Variants in TBC1D9 observed in about 807,000 individuals in gnomAD.
The protein encoded by TBC1D9 is TBC1 domain family member 9A.
In TBC1D9, 63 loss-of-function variants were observed where a neutral mutation model predicts 132.0. That is an observed-to-expected ratio of 0.48 (90% CI 0.39 to 0.59). The LOEUF (loss-of-function observed/expected upper bound fraction) is 0.59. Ranked by LOEUF, TBC1D9 falls within the 20% of genes least tolerant of loss-of-function variation. The pLI is 0.00. For synonymous variants in TBC1D9, 610 were observed against 609.9 expected (o/e 1.00, Z 0.00); for missense variants, 1,261 against 1,592.7 (o/e 0.79, Z 3.54).
intron 6 of TBC1D9, among the ~76,000 whole-genome samples, chr4:140,674,643 C>T (rs1217725221): frequency 6.6e-6 from 1 of 150,760 alleles, no homozygotes; most frequent in Non-Finnish European, 1.5e-5. Flanking sequence ...GACCAAGGCC[C>T]CTATCTCTTA....
chr4:140,708,064 TACAATAATGTTCAGC>T (rs2111045220), intron 1 of TBC1D9, among the ~76,000 whole-genome samples: 1 of 152,276 alleles, frequency 6.6e-6, no homozygotes, highest in African/African-American at 2.4e-5. Flanking sequence ...TCTCAAAGCC[TACAATAATGTTCAGC>T]ACATTATGCT....
Position 140,706,787 on chromosome 4 carries a change from T to C in TBC1D9, c.131-5173A>G, listed in dbSNP as rs1386409137. On this transcript the variant is annotated intron_variant, in intron 1 of 20. Coordinates refer to ENST00000442267, the MANE Select transcript of TBC1D9 (RefSeq NM_015130.3). This position sits in a 1 kb window ranked among gnomAD's most constrained non-coding sequence, Gnocchi z 4.0. The stretch of plus-strand genomic sequence containing the variant: ...TGCAGCTTATTTTTTTCAATCAATA[T>C]GTTTGTAAAATTTATCCAGAATATA... Among the ~76,000 whole-genome samples the C allele has an allele frequency of 4.6e-5, 7 of 152,232 alleles. No individual in the cohort carries two copies.
intron 1 of TBC1D9, among the ~76,000 whole-genome samples, chr4:140,751,341 C>T (rs1248427624): frequency 2.0e-5 from 3 of 152,078 alleles, no homozygotes; most frequent in African/African-American, 7.2e-5. Context: ...GACAGAATAG[C>T]CTTCCCAATA....
chr4:140,748,127 AG>A (rs1025640161), intron 1 of TBC1D9, among the ~76,000 whole-genome samples: 96 of 152,330 alleles, frequency 6.3e-4, no homozygotes, highest in African/African-American at 2.3e-3. Context: ...AAGTTAATTG[AG>A]GCCTTACAAG....
At chr4:140,683,459 T>C (rs1182350812) in intron 3 of TBC1D9, among the ~76,000 whole-genome samples, 2 of 152,222 alleles carry the variant, frequency 1.3e-5, no homozygotes, top group African/African-American at 4.8e-5. Flanking sequence ...GAATAGCTCC[T>C]TCCCAGGTTC....
At chr4:140,703,051 C>A (rs1378604128) in intron 1 of TBC1D9, among the ~76,000 whole-genome samples, 1 of 152,114 alleles carries the variant, frequency 6.6e-6, no homozygotes, top group Admixed American at 6.5e-5. Context: ...AGGGATTAGG[C>A]CACCTGAAAA....
intron 1 of TBC1D9, among the ~76,000 whole-genome samples, chr4:140,714,965 T>A (rs975327067): frequency 1.3e-5 from 2 of 151,984 alleles, no homozygotes; most frequent in Admixed American, 6.6e-5. Context: ...TACAAAAAAA[T>A]TTAAAAATTA....
chr4:140,649,944 A>T (rs1207082571), intron 13 of TBC1D9, among the ~76,000 whole-genome samples: 2 of 152,188 alleles, frequency 1.3e-5, no homozygotes, highest in African/African-American at 2.4e-5. Flanking sequence ...ATTTGAATAC[A>T]GTATTTATAT....
intron 1 of TBC1D9, among the ~76,000 whole-genome samples, chr4:140,728,908 C>T (rs1326828800): frequency 6.6e-6 from 1 of 152,140 alleles, no homozygotes; most frequent in Non-Finnish European, 1.5e-5. Flanking sequence ...AAGTGATCCA[C>T]CTGACTCAGC....
chr4:140,739,043 G>C (rs530788229), intron 1 of TBC1D9, among the ~76,000 whole-genome samples: 2 of 152,096 alleles, frequency 1.3e-5, no homozygotes, highest in Non-Finnish European at 2.9e-5. Flanking sequence ...ATGGAGTTTC[G>C]CTCTTGCTGC....
intron 13 of TBC1D9, among the ~76,000 whole-genome samples, chr4:140,653,338 T>C (rs1227398110): frequency 6.6e-6 from 1 of 152,210 alleles, no homozygotes; most frequent in Non-Finnish European, 1.5e-5. Flanking sequence ...AAATGCATTG[T>C]GTATCTTAGA....
intron 13 of TBC1D9, chr4:140,643,994 C>T: frequency 3.7e-6 from 2 of 539,452 alleles, no homozygotes. Context: ...CCGGGTCCTC[C>T]CGCAGCGGCT....
chr4:140,753,892 T>C (rs1738963640), intron 1 of TBC1D9, among the ~76,000 whole-genome samples: 1 of 152,248 alleles, frequency 6.6e-6, no homozygotes, highest in Non-Finnish European at 1.5e-5. Context: ...AAAATGTTCC[T>C]GCTACATTTG....
chr4:140,751,860 C>A (rs1413028097), intron 1 of TBC1D9, among the ~76,000 whole-genome samples: 1 of 152,038 alleles, frequency 6.6e-6, no homozygotes, highest in East Asian at 1.9e-4. Context: ...CAGGAAAAAG[C>A]AAATTAACCC....
rs376692552 is a variant in TBC1D9, at chr4:140,650,060, T to C, written c.2337+7037A>G. On this transcript the variant is annotated intron_variant, in intron 13 of 20. Transcript: ENST00000442267. ...GCTAGAGAAACAGTTGTCACATAAATATGGAAATTACAAAAAACATTTAGT... is the reference window on the plus strand; with the variant it reads ...GCTAGAGAAACAGTTGTCACATAAACATGGAAATTACAAAAAACATTTAGT... Among the ~76,000 whole-genome samples, 123 of 152,356 alleles carry C rather than the reference T, an allele frequency of 8.1e-4. 6 individuals are homozygous for C. The South Asian group carries it at 0.025, about 31-fold the overall frequency.
rs34469042 is a variant in TBC1D9, at chr4:140,744,879, TAAAAAAAAAAAAAA to T, written c.130+11023_130+11036del. 3.3e-3 allele frequency among the ~76,000 whole-genome samples: 354 copies of T among 107,520 alleles called. 3 individuals are homozygous for T. Among genetic ancestry groups the T allele is most frequent in the African/African-American group, 0.011 (303 of 28,066 alleles). The allele number at this position is 107,520 out of a possible 152,430, so 70.5% of individuals were successfully genotyped here. A position where few individuals can be genotyped will look rare whatever the true frequency, so the allele number is the denominator to read the frequency against. ...GCCTGGGTGACAGAGCAAGAGTGTT[TAAAAAAAAAAAAAA>T]AAAAAAAAAAAGAATCTCAGTCTTC... On this transcript the variant is annotated intron_variant, in intron 1 of 20. Transcript: ENST00000442267.
intron 9 of TBC1D9, among the ~76,000 whole-genome samples, chr4:140,668,218 G>T (rs1165833886): frequency 6.6e-6 from 1 of 152,184 alleles, no homozygotes; most frequent in African/African-American, 2.4e-5. Context: ...AGGATCTCTG[G>T]TTTCTGTAGC....
chr4:140,709,246 T>TCTCTCTCC (rs1738197525), intron 1 of TBC1D9, among the ~76,000 whole-genome samples: 1 of 102,318 alleles, frequency 9.8e-6, no homozygotes, highest in Non-Finnish European at 1.9e-5. Flanking sequence ...TCTCTCTCTC[T>TCTCTCTCC]CTCACACACA....
chr4:140,675,196 A>G (rs1320369970), intron 6 of TBC1D9, among the ~76,000 whole-genome samples: 1 of 151,486 alleles, frequency 6.6e-6, no homozygotes, highest in Non-Finnish European at 1.5e-5. Context: ...CTCTCTGAAC[A>G]GTGGAACTAG....
Sources: gnomAD v4.1 joint callset for allele counts (sites outside exome capture counted in the v4.1 genomes callset) on GRCh38, gnomAD v4.1.1 for gene constraint, Gnocchi (gnomAD v3.1) non-coding constraint, MANE v1.5 for transcripts, NCBI Gene and HGNC (gene_info 2026-07-23, HGNC 2026-07-21) for gene names.